The following LRRC4C variants were observed in gnomAD, a reference collection of about 807,000 sequenced individuals.
LRRC4C encodes leucine rich repeat containing 4C.
LRRC4C carries 5 observed loss-of-function variants against 33.6 expected under a neutral mutation model. The observed-to-expected ratio is 0.15, with a 90% CI of 0.08 to 0.31. LRRC4C has a LOEUF of 0.31. LRRC4C is among the 10% of genes least tolerant of loss of function. The probability of loss-of-function intolerance (pLI) is 1.00; values close to 1 mark genes in which losing one functional copy is unlikely to be tolerated. For missense variants in LRRC4C, 560 were observed against 796.7 expected (o/e 0.70, Z 3.58); for synonymous variants, 329 against 302.0 (o/e 1.09, Z -0.93).
chr11:41,400,839 G>A (rs550373573), intron 1 of LRRC4C, among the ~76,000 whole-genome samples: 1 of 151,822 alleles, frequency 6.6e-6, no homozygotes, highest in Non-Finnish European at 1.5e-5. Context: ...GTTTATTTAA[G>A]GTTTAATGAC....
intron 2 of LRRC4C, among the ~76,000 whole-genome samples, chr11:40,731,908 T>C (rs1162043236): frequency 6.6e-6 from 1 of 152,110 alleles, no homozygotes; most frequent in Non-Finnish European, 1.5e-5. Flanking sequence ...ACACTAAATA[T>C]GTTGCTAAAT....
intron 1 of LRRC4C, among the ~76,000 whole-genome samples, chr11:41,104,607 C>T (rs984867463): frequency 6.6e-6 from 1 of 151,810 alleles, no homozygotes; most frequent in Non-Finnish European, 1.5e-5. Flanking sequence ...CAGTTCTGCT[C>T]CTAGGTGTTT....
chr11:41,049,492 GTTAA>G (rs1307528290), intron 1 of LRRC4C, among the ~76,000 whole-genome samples: 1 of 152,160 alleles, frequency 6.6e-6, no homozygotes, highest in Admixed American at 6.6e-5. Flanking sequence ...TTTTTGAAAA[GTTAA>G]TTTCATTGAT....
At chr11:40,546,411 A>G (rs938318295) in intron 3 of LRRC4C, among the ~76,000 whole-genome samples, 10 of 152,044 alleles carry the variant, frequency 6.6e-5, no homozygotes, top group Admixed American at 2.0e-4. Flanking sequence ...TTAACCTCTG[A>G]AAGACAGTTT....
At chr11:40,169,463 G>T (rs1859865635) in intron 5 of LRRC4C, among the ~76,000 whole-genome samples, 1 of 152,102 alleles carries the variant, frequency 6.6e-6, no homozygotes, top group Admixed American at 6.6e-5. Flanking sequence ...AGGGTATCAA[G>T]ATAACTTGAG....
intron 3 of LRRC4C, among the ~76,000 whole-genome samples, chr11:40,587,941 T>G: frequency 6.6e-6 from 1 of 152,196 alleles, no homozygotes; most frequent in Admixed American, 6.5e-5. Context: ...AATTCTCTTT[T>G]TTGGTTGTGT....
intron 5 of LRRC4C, among the ~76,000 whole-genome samples, chr11:40,189,303 T>C (rs1047198692): frequency 4.6e-5 from 7 of 152,218 alleles, no homozygotes; most frequent in Admixed American, 1.3e-4. Flanking sequence ...TTATTACAAA[T>C]TGGATTTTAA....
chr11:41,231,657 C>T (rs1041227309), intron 1 of LRRC4C, among the ~76,000 whole-genome samples: 2 of 151,632 alleles, frequency 1.3e-5, no homozygotes, highest in Non-Finnish European at 2.9e-5. Flanking sequence ...GGAGATATAC[C>T]TAATGTAAAT....
chr11:40,810,001 T>C (rs1202352939), intron 2 of LRRC4C, among the ~76,000 whole-genome samples: 1 of 152,212 alleles, frequency 6.6e-6, no homozygotes, highest in Non-Finnish European at 1.5e-5. Context: ...CCTTTCCTAT[T>C]GCTTCATTTA....
In LRRC4C at chr11:40,633,371, T is replaced by TTCTTTC. The variant is rs745929705; in HGVS notation, c.-270+14770_-270+14771insGAAAGA. 3.2e-4 allele frequency among the ~76,000 whole-genome samples: 31 copies of TTCTTTC among 96,320 alleles called. 1 individual carries two copies. Among genetic ancestry groups the TTCTTTC allele is most frequent in the African/African-American group, 9.0e-4 (26 of 28,886 alleles). The allele number at this position is 96,320 out of a possible 152,430, so 63.2% of individuals were successfully genotyped here. A position where few individuals can be genotyped will look rare whatever the true frequency, so the allele number is the denominator to read the frequency against. On this transcript the variant is annotated intron_variant, in intron 3 of 6. Transcript: ENST00000528697. ...TTTCTTTCTTTCTTTCTTTCTTTCT[T>TTCTTTC]TCTCTCTCTTTCTTTCTTTCTTTCT... is the stretch of plus-strand genomic sequence containing the variant.
chr11:41,111,607 G>T (rs1221471578), intron 1 of LRRC4C, among the ~76,000 whole-genome samples: 1 of 152,070 alleles, frequency 6.6e-6, no homozygotes, highest in East Asian at 1.9e-4. Context: ...GCAAAGACAT[G>T]AAAGTCCAGG....
intron 2 of LRRC4C, among the ~76,000 whole-genome samples, chr11:40,770,142 C>T (rs1025616864): frequency 1.3e-5 from 2 of 152,102 alleles, no homozygotes; most frequent in African/African-American, 4.8e-5. Context: ...AAAGAACTGC[C>T]CGAGACTGGG....
At chr11:40,453,348 TA>T (rs1355836897) in intron 3 of LRRC4C, among the ~76,000 whole-genome samples, 2 of 151,950 alleles carry the variant, frequency 1.3e-5, no homozygotes, top group Non-Finnish European at 2.9e-5. Context: ...AAAATAAAAA[TA>T]AAAAAATGGA....
intron 2 of LRRC4C, among the ~76,000 whole-genome samples, chr11:40,884,843 A>T (rs1457794475): frequency 6.6e-6 from 1 of 152,098 alleles, no homozygotes; most frequent in Non-Finnish European, 1.5e-5. Context: ...TATCCCATGG[A>T]ACTGGAGGCC....
intron 5 of LRRC4C, among the ~76,000 whole-genome samples, chr11:40,215,933 A>C (rs924199231): frequency 6.6e-6 from 1 of 152,174 alleles, no homozygotes; most frequent in Non-Finnish European, 1.5e-5. Context: ...TTTGCAGAGC[A>C]TTCAAGAATA....
At chr11:40,657,850 T>C (rs1287028539) in intron 2 of LRRC4C, among the ~76,000 whole-genome samples, 1 of 152,204 alleles carries the variant, frequency 6.6e-6, no homozygotes, top group Non-Finnish European at 1.5e-5. Flanking sequence ...CTCAAATCTT[T>C]GGGGCTCACA....
chr11:40,519,646 T>C (rs956404452), intron 3 of LRRC4C, among the ~76,000 whole-genome samples: 2 of 152,162 alleles, frequency 1.3e-5, no homozygotes, highest in Non-Finnish European at 2.9e-5. Flanking sequence ...CAATAGGCTG[T>C]TTTGCTTTTG....
At chr11:40,764,056 C>T (rs1444523335) in intron 2 of LRRC4C, among the ~76,000 whole-genome samples, 1 of 152,156 alleles carries the variant, frequency 6.6e-6, no homozygotes, top group Non-Finnish European at 1.5e-5. Flanking sequence ...GAGACTCTTT[C>T]CTTCCATTTG....
In LRRC4C at chr11:40,936,048, AT is replaced by A. The variant is rs1565219311; in HGVS notation, c.-495-2326del. Among the ~76,000 whole-genome samples, 90 of 83,986 alleles carry A rather than the reference AT, an allele frequency of 1.1e-3. 3 individuals carry two copies. Among genetic ancestry groups the A allele is most frequent in the Admixed American group, 1.6e-3 (12 of 7,446 alleles). The allele number at this position is 83,986 out of a possible 152,430, so 55.1% of individuals were successfully genotyped here. A position where few individuals can be genotyped will look rare whatever the true frequency, so the allele number is the denominator to read the frequency against. On this transcript the variant is annotated intron_variant, in intron 1 of 6. Coordinates refer to ENST00000528697, the MANE Select transcript of LRRC4C (RefSeq NM_001258419.2). ...TATATATATATATATATATATATAT[AT>A]ATATATATATATATATAACATAGTT... is the stretch of plus-strand genomic sequence containing the variant.
Sources: gnomAD v4.1 joint callset for allele counts (sites outside exome capture counted in the v4.1 genomes callset) on GRCh38, gnomAD v4.1.1 for gene constraint, MANE v1.5 for transcripts, NCBI Gene and HGNC (gene_info 2026-07-23, HGNC 2026-07-21) for gene names.